Variants in LMBRD2 observed in about 807,000 individuals in gnomAD.
LMBRD2 encodes the protein G protein-coupled receptor-associated protein LMBRD2.
LMBRD2 carries 55 observed loss-of-function variants against 94.4 expected under a neutral mutation model. The ratio of observed to expected loss-of-function variants is 0.58; its 90% confidence interval spans 0.47 to 0.73. The LOEUF is 0.73. LMBRD2 is among the 30% of genes least tolerant of loss of function. LMBRD2 has a pLI of 0.00. For synonymous variants in LMBRD2, 246 were observed against 272.4 expected (o/e 0.90, Z 0.95); for missense variants, 640 against 831.9 (o/e 0.77, Z 2.84).
In LMBRD2 at chr5:36,104,064, G is replaced by A. The variant is rs1466501684; in HGVS notation, c.2070C>T (p.Asp690=). Residue 690 remains aspartate (D), a synonymous_variant, in exon 18 of 18, where the codon GAC becomes GAT. Transcript: ENST00000296603. ...GGRYLSMSRS[D]IFNDV The stretch of plus-strand genomic sequence containing the variant: ...TCAGACTTTAAACATCATTAAATAT[G>A]TCACTGCGAGACATCGAGAGATATC... 6.2e-7 allele frequency: 1 copy of A among 1,610,324 alleles called. No individual in the cohort carries two copies. The highest frequency in any genetic ancestry group is 8.5e-7 in the Non-Finnish European group (1 of 1,177,576).
At chr5:36,118,017 G>T (rs182311691) in intron 9 of LMBRD2, 101 bp from the exon 10 acceptor site, 5 of 903,670 alleles carry the variant, frequency 5.5e-6, no homozygotes, top group Admixed American at 6.0e-5. Context: ...TAATTACAAA[G>T]AGAAAAACAG....
At chr5:36,128,174 A>G (rs1158540936) in intron 6 of LMBRD2, among the ~76,000 whole-genome samples, 1 of 152,214 alleles carries the variant, frequency 6.6e-6, no homozygotes, top group East Asian at 1.9e-4. Flanking sequence ...CACATCTCCA[A>G]GTTTGCAAGA....
intron 9 of LMBRD2, among the ~76,000 whole-genome samples, chr5:36,118,656 T>TC (rs1411214825): frequency 2.9e-5 from 2 of 69,682 alleles, no homozygotes; most frequent in Non-Finnish European, 4.1e-5. Flanking sequence ...TGGTTTTTTG[T>TC]TTTTTTTTTT....
rs1193970265 is a variant in LMBRD2, at chr5:36,117,910, T to C, written c.1127A>G (p.Tyr376Cys). The C allele has an allele frequency of 1.2e-6, 2 of 1,601,532 alleles. No individual in the cohort carries two copies. Among genetic ancestry groups the C allele is most frequent in the Non-Finnish European group, 1.7e-6 (2 of 1,176,232 alleles). ...QYFYNPTFEWYWECLLRPWFY... is the reference protein window; with the variant it reads ...QYFYNPTFEWCWECLLRPWFY... ...CCATGGTCGCAAAAGACATTCCCAG[T>C]ACCATTCTAGAAGACAAAAGAAAAA... The change falls in exon 10 of 18, where the codon TAC becomes TGC. Residue 376 changes from tyrosine (Y) to cysteine (C), a missense_variant. Coordinates refer to ENST00000296603, the MANE Select transcript of LMBRD2 (RefSeq NM_001007527.2).
intron 1 of LMBRD2, among the ~76,000 whole-genome samples, chr5:36,147,073 G>A (rs1744566931): frequency 6.6e-6 from 1 of 151,646 alleles, no homozygotes; most frequent in Non-Finnish European, 1.5e-5. Context: ...GATTACACTG[G>A]GCCTGCCTGA....
intron 6 of LMBRD2, among the ~76,000 whole-genome samples, chr5:36,126,978 C>T (rs1744022618): frequency 6.6e-6 from 1 of 152,200 alleles, no homozygotes; most frequent in Admixed American, 6.5e-5. Context: ...CAAAATTCTA[C>T]CCATCCCGCA....
In LMBRD2 at chr5:36,098,779, T is replaced by G. The variant is rs1743292706; in HGVS notation, c.*5267A>C. Reference sequence around the variant, plus strand: ...CTTATAGGTAGCACTTTGCAGCTTTTTCCAAGTACATATTTGAAAATGTAG... The same window carrying G: ...CTTATAGGTAGCACTTTGCAGCTTTGTCCAAGTACATATTTGAAAATGTAG... On this transcript the variant is annotated 3_prime_UTR_variant, in exon 18 of 18. Coordinates refer to ENST00000296603, the MANE Select transcript of LMBRD2 (RefSeq NM_001007527.2). The G allele has an allele frequency of 2.6e-5, 4 of 152,070 alleles. No individual in the cohort carries two copies. The highest frequency in any genetic ancestry group is 2.0e-4 in the Admixed American group (3 of 15,238). The allele number at this position is 152,070 out of a possible 1,614,324, so 9.4% of individuals were successfully genotyped here.
Position 36,108,904 on chromosome 5 carries a change from A to C in LMBRD2, c.1792-265T>G, listed in dbSNP as rs1351737978. ...TGTTACTCATCTATCTAAATTGTAA[A>C]ACAATATTACTACAAGCTTACTTTG... On this transcript the variant is annotated intron_variant, in intron 15 of 17. Coordinates refer to ENST00000296603, the MANE Select transcript of LMBRD2 (RefSeq NM_001007527.2). Among the ~76,000 whole-genome samples the C allele has an allele frequency of 2.0e-5, 3 of 152,130 alleles. No individual in the cohort carries two copies. The East Asian group carries it at 5.8e-4, about 29-fold the overall frequency.
intron 13 of LMBRD2, among the ~76,000 whole-genome samples, chr5:36,112,004 A>G (rs1743619641): frequency 6.6e-6 from 1 of 151,976 alleles, no homozygotes; most frequent in African/African-American, 2.4e-5. Context: ...TTTTTCAATG[A>G]TGTACTTCTA....
At chr5:36,140,171 C>T (rs1186630716) in intron 4 of LMBRD2, among the ~76,000 whole-genome samples, 3 of 152,210 alleles carry the variant, frequency 2.0e-5, no homozygotes, top group Admixed American at 2.0e-4. Flanking sequence ...GCAGAAGCTG[C>T]TTGCAGTGCA....
rs200304600 is a variant in LMBRD2 at position 36,143,240 on chromosome 5, C to G, written c.110G>C (p.Gly37Ala). 1.2e-6 allele frequency: 2 copies of G among 1,612,810 alleles called. No individual in the cohort carries two copies. Among genetic ancestry groups the G allele is most frequent in the Non-Finnish European group, 1.7e-6 (2 of 1,179,110 alleles). ...FKKQHRLVII[G>A]TLLAWYLCFL... ...GCAGAGATACCAAGCAAGCAGTGTT[C>G]CAATAATCACAAGTCTATGCTGTTT... Residue 37 changes from glycine to alanine, a missense_variant, in exon 2 of 18, where the codon GGA becomes GCA. By Grantham distance (60) the Gly-to-Ala change is moderately conservative. Transcript: ENST00000296603.
At position 36,109,629 on chromosome 5, in the gene LMBRD2, C is replaced by A. The variant is rs1743556164; in HGVS notation, c.1791+316G>T. ...AGAAACAATTTTAAAGCAATCAAAA[C>A]CACTTTAATAGCAAGAATACACAAA... On this transcript the variant is annotated intron_variant, in intron 15 of 17. Transcript: ENST00000296603. Among the ~76,000 whole-genome samples the A allele has an allele frequency of 2.0e-5, 3 of 152,024 alleles. No homozygotes were observed. In the South Asian group the frequency reaches 6.2e-4, roughly 32 times the overall value.
intron 9 of LMBRD2, among the ~76,000 whole-genome samples, chr5:36,120,079 T>G (rs1435010911): frequency 4.6e-5 from 7 of 151,420 alleles, no homozygotes; most frequent in Non-Finnish European, 7.4e-5. Context: ...TTTTTTTTTT[T>G]GACGGAGTCT....
chr5:36,126,315 T>TA (rs1489685571), intron 6 of LMBRD2, among the ~76,000 whole-genome samples: 1 of 152,208 alleles, frequency 6.6e-6, no homozygotes, highest in Non-Finnish European at 1.5e-5. Flanking sequence ...TTAGCCATAT[T>TA]AAAAAACAAG....
chr5:36,132,158 T>G lies in LMBRD2; in HGVS notation c.747+4151A>C, dbSNP rs758441614. ...GAACTCCAAAATAAATCCATATATC[T>G]ACAGTGAACTCATTTTTGACAAGGG... On this transcript the variant is annotated intron_variant, in intron 6 of 17. Coordinates refer to ENST00000296603, the MANE Select transcript of LMBRD2 (RefSeq NM_001007527.2). Among the ~76,000 whole-genome samples, 9 of 152,068 alleles carry G rather than the reference T, an allele frequency of 5.9e-5. No individual in the cohort carries two copies. The South Asian group carries it at 6.2e-4, about 10-fold the overall frequency.
chr5:36,119,599 G>A (rs1743838418), intron 9 of LMBRD2, among the ~76,000 whole-genome samples: 1 of 152,102 alleles, frequency 6.6e-6, no homozygotes, highest in Admixed American at 6.5e-5. Flanking sequence ...CACATTGCAG[G>A]AGAAAGACAC....
chr5:36,116,717 C>G lies in LMBRD2; in HGVS notation c.1303-124G>C, dbSNP rs1743754104. The G allele has an allele frequency of 3.3e-6, 3 of 923,034 alleles. No individual in the cohort carries two copies. The Admixed American group carries it at 7.7e-5, about 24-fold the overall frequency. The allele number at this position is 923,034 out of a possible 1,614,324, so 57.2% of individuals were successfully genotyped here. On this transcript the variant is annotated intron_variant, in intron 10 of 17. Transcript: ENST00000296603. ...TTTGAGATGGAGTCTCGCCCTGTCA[C>G]CCAGGCTGGAGTGCAGTGGCGCGAT...
At chr5:36,121,999 A>G (rs1255564067) in intron 9 of LMBRD2, among the ~76,000 whole-genome samples, 1 of 152,198 alleles carries the variant, frequency 6.6e-6, no homozygotes, top group Non-Finnish European at 1.5e-5. Flanking sequence ...TAAGCAATGC[A>G]TAATTGTATA....
chr5:36,115,706 A>C (rs1361420650), intron 11 of LMBRD2, among the ~76,000 whole-genome samples: 1 of 146,318 alleles, frequency 6.8e-6, no homozygotes, highest in Non-Finnish European at 1.5e-5. Flanking sequence ...GTTGGTGGCT[A>C]CAGGAATCTA....
Sources: allele counts gnomAD v4.1 joint callset (sites outside exome capture counted in the v4.1 genomes callset), GRCh38; gene constraint gnomAD v4.1.1; transcripts MANE v1.5; gene names NCBI Gene and HGNC (gene_info 2026-07-23, HGNC 2026-07-21).